SNX30: variants seen among roughly 807,000 people sequenced by gnomAD.
SNX30 encodes the protein sorting nexin-30.
Under a neutral mutation model 46.4 loss-of-function variants are expected in SNX30, and 24 were observed. The observed-to-expected ratio is 0.52, with a 90% confidence interval of 0.37 to 0.73. The LOEUF (loss-of-function observed/expected upper bound fraction) is 0.73. Ranked by LOEUF, SNX30 falls within the 30% of genes least tolerant of loss-of-function variation. The pLI is 0.00. For missense variants in SNX30, 533 were observed against 555.7 expected, an observed-to-expected ratio of 0.96 and a Z score of 0.41; for synonymous variants, 189 against 211.5, an observed-to-expected ratio of 0.89 and a Z score of 0.92.
At position 112,813,498 on chromosome 9, in the gene SNX30, T is replaced by G. The variant is rs548290000; in HGVS notation, c.349-4207T>G. On this transcript the variant is annotated intron_variant, in intron 2 of 8. Transcript: ENST00000374232. ...TTTTTTTTTTTTTTGCGAGACAGTC[T>G]CACTCTGTCGCCCAGGCTGGAGTGC... Among the ~76,000 whole-genome samples, 274 of 145,696 alleles carry G rather than the reference T, an allele frequency of 1.9e-3. 1 individual carries two copies. The highest frequency in any genetic ancestry group is 6.7e-3 in the African/African-American group (264 of 39,456).
intron 1 of SNX30, among the ~76,000 whole-genome samples, chr9:112,762,184 A>G (rs1316780156): frequency 1.3e-5 from 2 of 152,126 alleles, no homozygotes; most frequent in Non-Finnish European, 2.9e-5. Context: ...TCATTTTGGC[A>G]GCCAGCGCAG....
chr9:112,772,949 T>C (rs1183823522), intron 1 of SNX30, among the ~76,000 whole-genome samples: 1 of 152,250 alleles, frequency 6.6e-6, no homozygotes, highest in Non-Finnish European at 1.5e-5. Context: ...TGTAGATTTG[T>C]GGTGTTGCAG....
At chr9:112,832,100 GT>G (rs1319430747) in intron 4 of SNX30, among the ~76,000 whole-genome samples, 2 of 152,138 alleles carry the variant, frequency 1.3e-5, no homozygotes, top group Non-Finnish European at 2.9e-5. Flanking sequence ...GAGTCCTTTA[GT>G]TTTTATAACC....
chr9:112,881,365 C>G (rs1438474601), intron 5 of SNX30: 1 of 152,236 alleles, frequency 6.6e-6, no homozygotes, highest in Non-Finnish European at 1.5e-5. Flanking sequence ...TTCCCGCCTT[C>G]TATGAGTGCT....
chr9:112,812,468 C>A (rs2131413659), intron 2 of SNX30, among the ~76,000 whole-genome samples: 1 of 152,282 alleles, frequency 6.6e-6, no homozygotes, highest in East Asian at 1.9e-4. Context: ...GTTGGCCAGG[C>A]TGGTCTTGAA....
intron 1 of SNX30, among the ~76,000 whole-genome samples, chr9:112,789,069 T>C (rs1290711864): frequency 2.0e-5 from 3 of 152,214 alleles, no homozygotes; most frequent in Admixed American, 2.0e-4. Flanking sequence ...ATGCTGGGAT[T>C]ACATGAGTGC....
At chr9:112,751,499 G>C (rs1285713616) in intron 1 of SNX30, among the ~76,000 whole-genome samples, 1 of 152,246 alleles carries the variant, frequency 6.6e-6, no homozygotes, top group Admixed American at 6.5e-5. Flanking sequence ...GTGCATCCCT[G>C]CAGGCTGAGC....
At chr9:112,795,322 C>G (rs1418497052) in intron 1 of SNX30, among the ~76,000 whole-genome samples, 2 of 152,164 alleles carry the variant, frequency 1.3e-5, no homozygotes, top group African/African-American at 2.4e-5. Flanking sequence ...GATTAAGAAG[C>G]TTGCTTAAGT....
intron 1 of SNX30, among the ~76,000 whole-genome samples, chr9:112,775,236 A>G (rs1839724107): frequency 6.8e-6 from 1 of 148,018 alleles, no homozygotes; most frequent in African/African-American, 2.5e-5. Flanking sequence ...GCTCACTGCA[A>G]CCTCCACCTC....
rs1403319541 is a variant in SNX30, at chr9:112,871,952, G to A, written c.*3109G>A. 6.6e-6 allele frequency: 1 copy of A among 152,188 alleles called. No individual in the cohort carries two copies. Among genetic ancestry groups the A allele is most frequent in the Non-Finnish European group, 1.5e-5 (1 of 68,036 alleles). The allele number at this position is 152,188 out of a possible 1,614,324, so 9.4% of individuals were successfully genotyped here. A position where few individuals can be genotyped will look rare whatever the true frequency, so the allele number is the denominator to read the frequency against. ...TATCCTTTAATAAAAGTTTTATAATGAATCCTGTTCACCTTAAAGTGTGAT... is the reference window on the plus strand; with the variant it reads ...TATCCTTTAATAAAAGTTTTATAATAAATCCTGTTCACCTTAAAGTGTGAT... On this transcript the variant is annotated 3_prime_UTR_variant, in exon 9 of 9. Transcript: ENST00000374232.
rs780624590 is a variant in SNX30 at position 112,872,687 on chromosome 9, A to G, written c.*3844A>G. On this transcript the variant is annotated 3_prime_UTR_variant, in exon 9 of 9. Coordinates refer to ENST00000374232, the MANE Select transcript of SNX30 (RefSeq NM_001012994.2). ...GGACCTGTGGAAACTGGGTGATCCA[A>G]TTATAGGGCTGGGGCAACCCTGCTT... The G allele has an allele frequency of 1.3e-5, 2 of 152,184 alleles. No individual in the cohort carries two copies. Among genetic ancestry groups the G allele is most frequent in the South Asian group, 2.1e-4 (1 of 4,822 alleles). 9.4% of individuals were successfully genotyped at this position (152,184 alleles called of 1,614,324 possible). A position where few individuals can be genotyped will look rare whatever the true frequency, so the allele number is the denominator to read the frequency against.
At chr9:112,877,421 T>A (rs1044180564), downstream of SNX30, 2 of 151,752 alleles carry the variant, frequency 1.3e-5, no homozygotes, top group Admixed American at 1.3e-4. Context: ...AGGTAAGGAG[T>A]TGGGGAATGA....
At chr9:112,821,429 GTGTTTGTATA>G (rs1301810391) in intron 3 of SNX30, among the ~76,000 whole-genome samples, 1 of 151,360 alleles carries the variant, frequency 6.6e-6, no homozygotes, top group East Asian at 1.9e-4. Flanking sequence ...ATATATATGT[GTGTTTGTATA>G]TATGTGTATA....
chr9:112,853,927 G>C (rs1046121837), intron 7 of SNX30, among the ~76,000 whole-genome samples: 1 of 152,218 alleles, frequency 6.6e-6, no homozygotes. Context: ...AAAAATAGAA[G>C]TCACTTTTTC....
chr9:112,782,088 C>T (rs562104110), intron 1 of SNX30, among the ~76,000 whole-genome samples: 5 of 151,406 alleles, frequency 3.3e-5, no homozygotes, highest in Admixed American at 1.3e-4. Context: ...TTTTTTGAGA[C>T]GGAGTTTTGC....
At chr9:112,842,872 G>A (rs777599674) in intron 6 of SNX30, among the ~76,000 whole-genome samples, 8 of 152,216 alleles carry the variant, frequency 5.3e-5, no homozygotes, top group African/African-American at 1.4e-4. Flanking sequence ...CTAGAAAGAC[G>A]GTTGAAGGCA....
intron 7 of SNX30, among the ~76,000 whole-genome samples, chr9:112,861,949 C>T (rs1841244206): frequency 6.6e-6 from 1 of 152,204 alleles, no homozygotes; most frequent in African/African-American, 2.4e-5. Context: ...CGATATCTTG[C>T]CTCAGTGTCT....
intron 1 of SNX30, among the ~76,000 whole-genome samples, chr9:112,804,494 A>C (rs1048422351): frequency 2.0e-5 from 3 of 152,158 alleles, no homozygotes; most frequent in Non-Finnish European, 4.4e-5. Context: ...TGGTGGGGCC[A>C]TTATGTTCTC....
chr9:112,778,855 T>C (rs1032932765), intron 1 of SNX30, among the ~76,000 whole-genome samples: 1 of 132,660 alleles, frequency 7.5e-6, no homozygotes, highest in African/African-American at 2.9e-5. Flanking sequence ...ATAAGTGTTA[T>C]GAAAGAGCTA....
Sources: allele counts gnomAD v4.1 joint callset (sites outside exome capture counted in the v4.1 genomes callset), GRCh38; gene constraint gnomAD v4.1.1; transcripts MANE v1.5; gene names NCBI Gene and HGNC (gene_info 2026-07-23, HGNC 2026-07-21).